PLCE1: variants seen among roughly 807,000 people sequenced by gnomAD.
PLCE1 encodes 1-phosphatidylinositol 4,5-bisphosphate phosphodiesterase epsilon-1.
Under a neutral mutation model 242.8 loss-of-function variants are expected in PLCE1, and 119 were observed. The observed-to-expected ratio is 0.49, with a 90% CI of 0.42 to 0.57. The LOEUF (loss-of-function observed/expected upper bound fraction) is 0.57, where lower values mean the gene tolerates loss of function less well. PLCE1 is among the 20% of genes least tolerant of loss of function. The pLI, the probability that PLCE1 is intolerant of heterozygous loss-of-function variation, is 0.00. For synonymous variants in PLCE1, 945 were observed against 1,017.4 expected (o/e 0.93, Z 1.35); for missense variants, 2,441 against 2,788.8 (o/e 0.88, Z 2.81).
chr10:94,169,907 A>C (rs914765203), intron 3 of PLCE1, among the ~76,000 whole-genome samples: 7 of 152,192 alleles, frequency 4.6e-5, no homozygotes, highest in Non-Finnish European at 1.0e-4. Flanking sequence ...GTGCCATCTA[A>C]AATGCTTATC....
At chr10:94,133,486 T>G (rs1294973080) in intron 3 of PLCE1, among the ~76,000 whole-genome samples, 1 of 152,198 alleles carries the variant, frequency 6.6e-6, no homozygotes, top group Non-Finnish European at 1.5e-5. Flanking sequence ...TTCCACTGCC[T>G]GGGGGTTGCC....
rs1589558332 is a variant in PLCE1, at chr10:94,328,451, C to T, written c.*508C>T. 6.6e-6 allele frequency: 1 copy of T among 152,338 alleles called. No homozygotes were observed. The highest frequency in any genetic ancestry group is 6.5e-5 in the Admixed American group (1 of 15,332). 9.4% of individuals were successfully genotyped at this position (152,338 alleles called of 1,614,324 possible). On this transcript the variant is annotated 3_prime_UTR_variant, in exon 33 of 33. Coordinates refer to ENST00000371380, the MANE Select transcript of PLCE1 (RefSeq NM_016341.4). ...TACTCTTGTTTTGACTTTTTTTCAACCATTTAAAAACTTAAAAACTATTCT... is the reference window on the plus strand; with the variant it reads ...TACTCTTGTTTTGACTTTTTTTCAATCATTTAAAAACTTAAAAACTATTCT...
intron 1 of PLCE1, among the ~76,000 whole-genome samples, chr10:94,025,659 A>G (rs939706830): frequency 6.6e-6 from 1 of 152,158 alleles, no homozygotes; most frequent in Non-Finnish European, 1.5e-5. Context: ...CCTTTGTTGA[A>G]AAGCTCTAAA....
intron 27 of PLCE1, among the ~76,000 whole-genome samples, 161 bp downstream of exon 27, chr10:94,308,860 C>T (rs555662418): frequency 1.5e-4 from 23 of 152,274 alleles, no homozygotes; most frequent in African/African-American, 4.3e-4. Context: ...AAGCACTTTA[C>T]GTATATACTA....
At position 94,246,304 on chromosome 10, in the gene PLCE1, G is replaced by A. The variant is rs1283564915; in HGVS notation, c.2779G>A (p.Gly927Arg). Residue 927 changes from glycine to arginine, a missense_variant, in exon 8 of 33, where the codon GGA (glycine) becomes AGA (arginine). Around this residue, in one of 5 missense-constraint regions of PLCE1, gnomAD observed 733 missense variants for 754.2 expected, o/e 0.97. Coordinates refer to ENST00000371380, the MANE Select transcript of PLCE1 (RefSeq NM_016341.4). ...PGKFPLLGNAGLSSLTEGVLD... is the reference protein window; with the variant it reads ...PGKFPLLGNARLSSLTEGVLD... The stretch of plus-strand genomic sequence containing the variant: ...AAAATTCCCACTACTGGGTAATGCT[G>A]GATTAAGTAGCCTGACGGAAGGGGT... 2 of 1,614,164 alleles carry A rather than the reference G, an allele frequency of 1.2e-6. No individual in the cohort carries two copies. The highest frequency in any genetic ancestry group is 1.7e-6 in the Non-Finnish European group (2 of 1,180,024).
chr10:94,276,080 C>A (rs866740975), intron 19 of PLCE1, among the ~76,000 whole-genome samples: 4 of 152,268 alleles, frequency 2.6e-5, no homozygotes, highest in African/African-American at 9.6e-5. Flanking sequence ...TCATCTGGTA[C>A]ATTTATTAGC....
At chr10:94,040,156 A>G (rs1266051785) in intron 2 of PLCE1, among the ~76,000 whole-genome samples, 4 of 152,104 alleles carry the variant, frequency 2.6e-5, no homozygotes, top group Admixed American at 6.5e-5. Context: ...AGATCTTGCT[A>G]TGTTGCCCAG....
rs547223825 is a variant in PLCE1, at chr10:94,212,547, C to T, written c.1810-14759C>T. On this transcript the variant is annotated intron_variant, in intron 4 of 32. Transcript: ENST00000371380. Reference sequence around the variant, plus strand: ...CTGGGATTACAGGCATGAGCCACCACGCCCAGCCAATTTTTGTATTTTTAA... The same window carrying T: ...CTGGGATTACAGGCATGAGCCACCATGCCCAGCCAATTTTTGTATTTTTAA... 9.4e-4 allele frequency among the ~76,000 whole-genome samples: 143 copies of T among 152,270 alleles called. 1 individual carries two copies. Among genetic ancestry groups the T allele is most frequent in the African/African-American group, 3.2e-3 (131 of 41,558 alleles).
intron 3 of PLCE1, among the ~76,000 whole-genome samples, chr10:94,141,907 A>G (rs1337638923): frequency 1.3e-5 from 2 of 152,208 alleles, no homozygotes; most frequent in African/African-American, 4.8e-5. Flanking sequence ...ATTTATTTGC[A>G]AAATAGTTAT....
intron 29 of PLCE1, among the ~76,000 whole-genome samples, chr10:94,317,725 A>G (rs2133810388): frequency 6.6e-6 from 1 of 152,234 alleles, no homozygotes. Flanking sequence ...GACTTAATTG[A>G]TGAAGCACTT....
rs368989659 is a variant in PLCE1 at position 94,250,514 on chromosome 10, A to AG, written c.3097-1801dup. On this transcript the variant is annotated intron_variant, in intron 8 of 32. Coordinates refer to ENST00000371380, the MANE Select transcript of PLCE1 (RefSeq NM_016341.4). ...AGACTCCATCTCCAAGAAAAAAAAA[A>AG]GAGAAGAAAGTATATCCTTCATCCA... Among the ~76,000 whole-genome samples, 352 of 152,312 alleles carry AG rather than the reference A, an allele frequency of 2.3e-3. 3 individuals are homozygous for AG. The highest frequency in any genetic ancestry group is 8.1e-3 in the African/African-American group (338 of 41,568).
Position 94,136,918 on chromosome 10 carries a change from C to T in PLCE1, c.1492+4459C>T, listed in dbSNP as rs148796926. 4.7e-3 allele frequency among the ~76,000 whole-genome samples: 711 copies of T among 152,290 alleles called. 7 individuals carry two copies. The highest frequency in any genetic ancestry group is 0.016 in the African/African-American group (674 of 41,556). On this transcript the variant is annotated intron_variant, in intron 3 of 32. Coordinates refer to ENST00000371380, the MANE Select transcript of PLCE1 (RefSeq NM_016341.4). ...ATACATTAAGATCCTTCTGGCCGGG[C>T]GTGGTGGCTCACGCCTGTAATCCCA... is the stretch of plus-strand genomic sequence containing the variant.
chr10:93,998,183 C>G (rs185911785), intron 1 of PLCE1, among the ~76,000 whole-genome samples: 3 of 152,320 alleles, frequency 2.0e-5, no homozygotes, highest in Non-Finnish European at 2.9e-5. Context: ...TTCTCCTCCT[C>G]AAGTAGTGGC....
chr10:94,310,583 A>G (rs2053357258), intron 27 of PLCE1, among the ~76,000 whole-genome samples: 1 of 152,176 alleles, frequency 6.6e-6, no homozygotes, highest in Admixed American at 6.5e-5. Context: ...AGGATTGACA[A>G]GCAAGGGCAG....
chr10:94,210,199 T>G (rs1269080221), intron 4 of PLCE1, among the ~76,000 whole-genome samples: 1 of 152,068 alleles, frequency 6.6e-6, no homozygotes, highest in Non-Finnish European at 1.5e-5. Flanking sequence ...TTTTTTTACT[T>G]TTCAGTTTCT....
chr10:94,300,649 T>C (rs1370990937), intron 24 of PLCE1, among the ~76,000 whole-genome samples: 1 of 152,224 alleles, frequency 6.6e-6, no homozygotes, highest in Non-Finnish European at 1.5e-5. Flanking sequence ...AGTAAATGCT[T>C]GTTACTCTGA....
intron 4 of PLCE1, among the ~76,000 whole-genome samples, chr10:94,187,269 T>C (rs1238277531): frequency 6.6e-6 from 1 of 152,016 alleles, no homozygotes; most frequent in Non-Finnish European, 1.5e-5. Context: ...CATTAAATTC[T>C]GGTTTGTTGG....
rs890809767 is a variant in PLCE1, at chr10:94,306,260, G to T, written c.5623-167G>T. On this transcript the variant is annotated intron_variant, in intron 25 of 32. Coordinates refer to ENST00000371380, the MANE Select transcript of PLCE1 (RefSeq NM_016341.4). The surrounding 1 kb of genome is among the most constrained non-coding windows in gnomAD (Gnocchi z 5.7). Reference sequence around the variant, plus strand: ...GCTGGGATTACAGGCATAAGCCACCGCGCCCAGCCCTACAATCACTTACTT... The same window carrying T: ...GCTGGGATTACAGGCATAAGCCACCTCGCCCAGCCCTACAATCACTTACTT... Among the ~76,000 whole-genome samples the T allele has an allele frequency of 6.6e-6, 1 of 152,168 alleles. No individual in the cohort carries two copies. The highest frequency in any genetic ancestry group is 1.5e-5 in the Non-Finnish European group (1 of 68,040).
chr10:94,254,795 AT>A, intron 10 of PLCE1, 97 bp from the exon 11 acceptor site: 2 of 1,350,422 alleles, frequency 1.5e-6, no homozygotes, highest in South Asian at 2.3e-5. Flanking sequence ...GCATAGGTTG[AT>A]TTGCTCAGAC....
Sources: allele counts gnomAD v4.1 joint callset (sites outside exome capture counted in the v4.1 genomes callset), GRCh38; gene constraint gnomAD v4.1.1; regional missense constraint gnomAD v4.1.1; non-coding constraint Gnocchi (gnomAD v3.1); transcripts MANE v1.5; gene names NCBI Gene and HGNC (gene_info 2026-07-23, HGNC 2026-07-21).